Variants in UBL3 observed in about 807,000 individuals in gnomAD.
UBL3 encodes the protein ubiquitin-like protein 3.
In UBL3, 6 loss-of-function variants were observed where a neutral mutation model predicts 18.4. The observed-to-expected ratio is 0.33, with a 90% confidence interval of 0.18 to 0.64. UBL3 has a LOEUF of 0.64. Among genes scored for constraint, UBL3 ranks in the 30% least tolerant of loss-of-function variants. The probability of loss-of-function intolerance (pLI) is 0.76; values close to 1 mark genes in which losing one functional copy is unlikely to be tolerated. For missense variants in UBL3, 109 were observed against 142.9 expected (o/e 0.76, Z 1.21); for synonymous variants, 49 against 46.6 (o/e 1.05, Z -0.21).
At chr13:29,813,499 T>A (rs1001725621) in intron 1 of UBL3, among the ~76,000 whole-genome samples, 2 of 152,062 alleles carry the variant, frequency 1.3e-5, no homozygotes, top group African/African-American at 2.4e-5. Context: ...TCCTCGAGAC[T>A]CTGCATTCAC....
chr13:29,840,924 A>G (rs1255849746), intron 1 of UBL3, among the ~76,000 whole-genome samples: 3 of 152,214 alleles, frequency 2.0e-5, no homozygotes, highest in Non-Finnish European at 4.4e-5. Context: ...TGTTCATAAT[A>G]TAGGCTGAGC....
At chr13:29,802,079 C>CT (rs1877785971) in intron 1 of UBL3, among the ~76,000 whole-genome samples, 1 of 152,194 alleles carries the variant, frequency 6.6e-6, no homozygotes, top group Admixed American at 6.5e-5. Context: ...GGAAGCACAG[C>CT]TGCAGTGGTG....
At chr13:29,771,977 A>T in intron 3 of UBL3, 135 bp downstream of exon 3, 1 of 716,960 alleles carries the variant, frequency 1.4e-6, no homozygotes, top group Non-Finnish European at 2.3e-6. Context: ...AGGAGTAGGC[A>T]TACCAGAAAT....
chr13:29,835,941 G>A (rs1878952345), intron 1 of UBL3, among the ~76,000 whole-genome samples: 1 of 152,056 alleles, frequency 6.6e-6, no homozygotes, highest in Non-Finnish European at 1.5e-5. Flanking sequence ...GCAGGACCCT[G>A]AAGGCCCAAG....
intron 1 of UBL3, among the ~76,000 whole-genome samples, chr13:29,789,191 G>A (rs1206020934): frequency 6.6e-6 from 1 of 152,084 alleles, no homozygotes; most frequent in East Asian, 1.9e-4. Context: ...GAGCCACCAC[G>A]CCCGGCGGGA....
At chr13:29,848,280 CAAAAAAAAAAAAAAA>C in intron 1 of UBL3, among the ~76,000 whole-genome samples, 1 of 68,320 alleles carries the variant, frequency 1.5e-5, no homozygotes, top group African/African-American at 6.3e-5. Flanking sequence ...CCTGTCTCCA[CAAAAAAAAAAAAAAA>C]AAAAAAAAAA....
intron 1 of UBL3, among the ~76,000 whole-genome samples, chr13:29,842,362 T>C (rs1566002843): frequency 6.6e-6 from 1 of 152,120 alleles, no homozygotes; most frequent in Non-Finnish European, 1.5e-5. Context: ...TTTCACCATG[T>C]TGGTCAGGGT....
At chr13:29,812,020 C>T (rs1878101703) in intron 1 of UBL3, among the ~76,000 whole-genome samples, 2 of 152,076 alleles carry the variant, frequency 1.3e-5, no homozygotes, top group South Asian at 2.1e-4. Context: ...AGGTTGAACT[C>T]GTACTAATGT....
intron 1 of UBL3, among the ~76,000 whole-genome samples, chr13:29,794,001 C>T (rs925246505): frequency 2.6e-5 from 4 of 152,170 alleles, no homozygotes; most frequent in South Asian, 2.1e-4. Context: ...TGTGACACCA[C>T]GCCCAGTTAA....
chr13:29,784,617 G>A (rs1877261625), intron 1 of UBL3, among the ~76,000 whole-genome samples: 2 of 151,110 alleles, frequency 1.3e-5, no homozygotes, highest in Non-Finnish European at 2.9e-5. Flanking sequence ...ATGCTTAAAA[G>A]GTAACATACT....
chr13:29,794,324 T>C (rs1392718776), intron 1 of UBL3, among the ~76,000 whole-genome samples: 1 of 150,928 alleles, frequency 6.6e-6, no homozygotes, highest in East Asian at 2.0e-4. Flanking sequence ...CAATTCAACA[T>C]TAATAAGAGG....
intron 1 of UBL3, among the ~76,000 whole-genome samples, chr13:29,819,652 G>A (rs548009853): frequency 6.6e-6 from 1 of 152,202 alleles, no homozygotes; most frequent in South Asian, 2.1e-4. Flanking sequence ...CTTTTTATGA[G>A]CATTTTTCAA....
intron 1 of UBL3, among the ~76,000 whole-genome samples, chr13:29,797,704 T>G (rs1343153903): frequency 6.6e-6 from 1 of 152,246 alleles, no homozygotes; most frequent in Admixed American, 6.5e-5. Flanking sequence ...TTAAAACTGT[T>G]GTTAGTCTTA....
intron 1 of UBL3, among the ~76,000 whole-genome samples, chr13:29,780,353 C>CAAAAAAAAAA (rs71746248): frequency 0.046 from 380 of 8,316 alleles, 29 homozygotes; most frequent in Non-Finnish European, 0.073. Context: ...GACTCTGTCT[C>CAAAAAAAAAA]AAAAAAAAAA....
At chr13:29,818,916 T>C (rs978873826) in intron 1 of UBL3, among the ~76,000 whole-genome samples, 29 of 152,196 alleles carry the variant, frequency 1.9e-4, no homozygotes, top group African/African-American at 6.5e-4. Flanking sequence ...TTTATATCTG[T>C]GTGTTTGATA....
intron 1 of UBL3, among the ~76,000 whole-genome samples, chr13:29,794,235 A>G (rs1475685872): frequency 6.6e-6 from 1 of 152,162 alleles, no homozygotes; most frequent in Non-Finnish European, 1.5e-5. Context: ...CTTTATCTTA[A>G]AAGTTTTAGA....
chr13:29,845,811 G>A (rs1341517528), intron 1 of UBL3, among the ~76,000 whole-genome samples: 1 of 151,982 alleles, frequency 6.6e-6, no homozygotes, highest in Non-Finnish European at 1.5e-5. Flanking sequence ...GCTTTTCTTT[G>A]ACCGTTTTAT....
At chr13:29,772,414 T>G (rs1382252521) in intron 2 of UBL3, among the ~76,000 whole-genome samples, 1 of 152,104 alleles carries the variant, frequency 6.6e-6, no homozygotes, top group East Asian at 1.9e-4. Flanking sequence ...AGACTCGTTT[T>G]GCTTCTTAAA....
intron 4 of UBL3, 119 bp from the exon 5 acceptor site, chr13:29,767,426 C>A: frequency 7.6e-7 from 1 of 1,315,436 alleles, no homozygotes; most frequent in Non-Finnish European, 1.0e-6. Context: ...TTGCATTTTT[C>A]AAAATTAAGA....
Sources: allele counts gnomAD v4.1 joint callset (sites outside exome capture counted in the v4.1 genomes callset), GRCh38; gene constraint gnomAD v4.1.1; transcripts MANE v1.5; gene names NCBI Gene and HGNC (gene_info 2026-07-23, HGNC 2026-07-21).